The following VWA2 variants were observed in gnomAD, a reference collection of about 807,000 sequenced individuals.
The protein encoded by VWA2 is von Willebrand factor A domain containing 2.
A neutral mutation model predicts 70.4 loss-of-function variants in VWA2; 73 were observed. That is an observed-to-expected ratio of 1.04 (90% confidence interval 0.86 to 1.26). VWA2 has a LOEUF of 1.26. Ranked by LOEUF, VWA2 falls within the 50% of genes most tolerant of loss-of-function variation. VWA2 has a pLI of 0.00. For synonymous variants in VWA2, 407 were observed against 423.3 expected, an observed-to-expected ratio of 0.96 and a Z score of 0.47; for missense variants, 1,011 against 998.5, an observed-to-expected ratio of 1.01 and a Z score of -0.17.
chr10:114,246,727 A>G (rs1191209986), intron 1 of VWA2: 9 of 1,523,180 alleles, frequency 5.9e-6, no homozygotes, highest in Admixed American at 1.7e-5. Context: ...GGAATCGTGC[A>G]GGGGGAGAAA....
chr10:114,246,594 G>A (rs1244893240), intron 1 of VWA2: 1 of 1,356,876 alleles, frequency 7.4e-7, no homozygotes, highest in African/African-American at 1.4e-5. Flanking sequence ...TTTTAAGACT[G>A]TTGAAGCATA....
intron 1 of VWA2, chr10:114,246,516 AAAAAAAAAAC>A: frequency 5.1e-6 from 4 of 786,572 alleles, no homozygotes; most frequent in African/African-American, 3.6e-5. Flanking sequence ...AAAAAAAAAA[AAAAAAAAAAC>A]GAGTATCATG....
At chr10:114,281,174 T>C (rs138218449) in intron 8 of VWA2, 2,908 of 152,398 alleles carry the variant, frequency 0.019, 38 homozygotes, top group Middle Eastern at 0.048. Context: ...GGGATCTTGT[T>C]GGAAGAAGCC....
intron 6 of VWA2, among the ~76,000 whole-genome samples, chr10:114,275,445 G>A (rs2037815526): frequency 6.6e-6 from 1 of 152,212 alleles, no homozygotes. Flanking sequence ...ACAGTGCCTT[G>A]AGCATAGCCA....
At chr10:114,248,643 G>T in intron 1 of VWA2, 61 bp from the exon 2 acceptor site, 1 of 1,450,300 alleles carries the variant, frequency 6.9e-7, no homozygotes, top group South Asian at 1.1e-5. Flanking sequence ...TTGGCGGTGT[G>T]ACTTGGGGCG....
At chr10:114,283,276 G>GAC (rs1434624375) in intron 9 of VWA2, among the ~76,000 whole-genome samples, 2 of 151,992 alleles carry the variant, frequency 1.3e-5, no homozygotes, top group African/African-American at 4.8e-5. Context: ...CGAGCAGTTA[G>GAC]ACACACAGGC....
Position 114,261,185 on chromosome 10 carries a change from G to C in VWA2, c.262-1G>C. On this transcript the variant is annotated splice_acceptor_variant, in intron 4 of 13. Coordinates refer to ENST00000392982, the MANE Select transcript of VWA2 (RefSeq NM_001272046.2). LOFTEE classifies it high-confidence loss of function. ...CCTGAGCCCCCTGTCTCCTACTGCA[G>C]GTCAGAGTGGGAGCATTCCAGTTCA... 6.2e-7 allele frequency: 1 copy of C among 1,610,810 alleles called. No homozygotes were observed. Among genetic ancestry groups the C allele is most frequent in the South Asian group, 1.1e-5 (1 of 90,922 alleles).
chr10:114,253,570 T>C (rs990967625), intron 2 of VWA2, 81 bp from the exon 3 acceptor site: 2 of 1,237,388 alleles, frequency 1.6e-6, no homozygotes, highest in Admixed American at 1.9e-5. Flanking sequence ...GTTACCTGTT[T>C]AGTCAAGTCA....
intron 7 of VWA2, among the ~76,000 whole-genome samples, chr10:114,278,385 T>C (rs1426664726): frequency 6.6e-6 from 1 of 152,188 alleles, no homozygotes; most frequent in Non-Finnish European, 1.5e-5. Flanking sequence ...TTGTGCTTGG[T>C]GCGAGATCCC....
chr10:114,264,810 C>G (rs992706925), intron 5 of VWA2, among the ~76,000 whole-genome samples: 5 of 152,122 alleles, frequency 3.3e-5, no homozygotes, highest in Admixed American at 1.3e-4. Context: ...ACCTCCACCT[C>G]CCGGGTTCAA....
intron 8 of VWA2, among the ~76,000 whole-genome samples, chr10:114,279,949 C>T (rs964088265): frequency 3.3e-5 from 5 of 152,162 alleles, no homozygotes; most frequent in Non-Finnish European, 7.3e-5. Context: ...GCGCTCAGAG[C>T]CGGGAGCGGC....
intron 10 of VWA2, 110 bp downstream of exon 10, chr10:114,285,080 C>A: frequency 2.4e-6 from 2 of 824,654 alleles, no homozygotes; most frequent in Non-Finnish European, 3.6e-6. Context: ...GGCCCTTGAA[C>A]CATCTGCTTT....
intron 4 of VWA2, among the ~76,000 whole-genome samples, chr10:114,256,052 A>T (rs1564716848): frequency 1.3e-5 from 2 of 152,360 alleles, no homozygotes; most frequent in Middle Eastern, 6.8e-3. Context: ...AGAATCCAAT[A>T]GTATTCATCC....
At chr10:114,243,742 T>A (rs895172040) in intron 1 of VWA2, among the ~76,000 whole-genome samples, 2 of 152,254 alleles carry the variant, frequency 1.3e-5, no homozygotes, top group Admixed American at 1.3e-4. Flanking sequence ...CTTCTTTTTT[T>A]AAAAAGTAGC....
At chr10:114,277,877 G>T (rs751216335) in intron 6 of VWA2, 37 bp from the exon 7 acceptor site, 3 of 1,580,156 alleles carry the variant, frequency 1.9e-6, no homozygotes, top group Non-Finnish European at 2.6e-6. Flanking sequence ...AGGAGGGTGG[G>T]TATAGGACCA....
At chr10:114,258,365 C>A (rs181643636) in intron 4 of VWA2, among the ~76,000 whole-genome samples, 1 of 152,302 alleles carries the variant, frequency 6.6e-6, no homozygotes, top group East Asian at 1.9e-4. Context: ...TGTTTGAAGT[C>A]TTCCTCTTAA....
chr10:114,267,980 C>T (rs969646947), intron 5 of VWA2, among the ~76,000 whole-genome samples: 5 of 152,064 alleles, frequency 3.3e-5, no homozygotes, highest in Admixed American at 6.6e-5. Flanking sequence ...AAACTTCTTA[C>T]AGTAGGCTGC....
chr10:114,252,541 G>A (rs1236257637), intron 2 of VWA2, among the ~76,000 whole-genome samples: 1 of 152,108 alleles, frequency 6.6e-6, no homozygotes, highest in Non-Finnish European at 1.5e-5. Flanking sequence ...CCCCCAGACT[G>A]AAACCCTCTT....
At chr10:114,247,501 G>A (rs1343134430) in intron 1 of VWA2, among the ~76,000 whole-genome samples, 1 of 152,110 alleles carries the variant, frequency 6.6e-6, no homozygotes, top group African/African-American at 2.4e-5. Flanking sequence ...GTTTCACCGT[G>A]TTGGCCAGGC....
Sources: allele counts gnomAD v4.1 joint callset (sites outside exome capture counted in the v4.1 genomes callset), GRCh38; gene constraint gnomAD v4.1.1; transcripts MANE v1.5; gene names NCBI Gene and HGNC (gene_info 2026-07-23, HGNC 2026-07-21).